The following CYP3A5 variants were observed in gnomAD, a reference collection of about 807,000 sequenced individuals.
The protein encoded by CYP3A5 is cytochrome P450 3A5.
Under a neutral mutation model 55.9 loss-of-function variants are expected in CYP3A5, and 51 were observed. That is an observed-to-expected ratio of 0.91 (90% CI 0.73 to 1.15). The LOEUF is 1.15. CYP3A5 is among the 50% of genes most tolerant of loss of function. The probability of loss-of-function intolerance (pLI) is 0.00; values close to 1 mark genes in which losing one functional copy is unlikely to be tolerated. For synonymous variants in CYP3A5, 196 were observed against 213.9 expected, an observed-to-expected ratio of 0.92 and a Z score of 0.73; for missense variants, 533 against 596.6, an observed-to-expected ratio of 0.89 and a Z score of 1.11.
intron 11 of CYP3A5, 109 bp downstream of exon 11, chr7:99,652,444 A>T: frequency 2.6e-6 from 2 of 768,154 alleles, no homozygotes; most frequent in Non-Finnish European, 4.2e-6. Context: ...AAAAAGACTT[A>T]CAAGCAAATG....
intron 12 of CYP3A5, 98 bp downstream of exon 12, chr7:99,649,975 G>T: frequency 1.4e-6 from 2 of 1,447,398 alleles, no homozygotes; most frequent in Non-Finnish European, 1.9e-6. Flanking sequence ...TTGGCCCATA[G>T]AATGAATTAT....
At chr7:99,668,027 G>T (rs1224773675) in intron 4 of CYP3A5, among the ~76,000 whole-genome samples, 1 of 152,140 alleles carries the variant, frequency 6.6e-6, no homozygotes, top group African/African-American at 2.4e-5. Context: ...AATTGTCAAT[G>T]TATAAAATGT....
Position 99,662,755 on chromosome 7 carries a change from A to C in CYP3A5, c.865+61T>G. The stretch of plus-strand genomic sequence containing the variant: ...CCTGGAATACTTCCTGCACATTTTC[A>C]GAACAAGGCCCTCCCTCTTAGTGTC... On this transcript the variant is annotated intron_variant, in intron 9 of 12. Transcript: ENST00000222982. The surrounding 1 kb of genome is among the most constrained non-coding windows in gnomAD (Gnocchi z 4.3). 1 of 1,481,594 alleles carries C rather than the reference A, an allele frequency of 6.7e-7. No homozygotes were observed. Among genetic ancestry groups the C allele is most frequent in the South Asian group, 1.1e-5 (1 of 87,316 alleles). The allele number at this position is 1,481,594 out of a possible 1,614,324, so 91.8% of individuals were successfully genotyped here.
chr7:99,674,711 G>A lies in CYP3A5; in HGVS notation c.166-126C>T. The A allele has an allele frequency of 4.4e-6, 3 of 688,084 alleles. No individual in the cohort carries two copies. The East Asian group carries it at 8.4e-5, about 19-fold the overall frequency. The allele number at this position is 688,084 out of a possible 1,614,324, so 42.6% of individuals were successfully genotyped here. A position where few individuals can be genotyped will look rare whatever the true frequency, so the allele number is the denominator to read the frequency against. ...TGCTATCTTTCACTGGCAGTTGAAG[G>A]AAGCTATTCAGAGATGTCTTAAGGG... On this transcript the variant is annotated intron_variant, in intron 2 of 12. Transcript: ENST00000222982.
chr7:99,666,619 T>C lies in CYP3A5; in HGVS notation c.503A>G (p.Lys168Arg), dbSNP rs771596018. Reference sequence around the variant, plus strand: ...TACTTACTCTTTCAAGGTGACAGGCTTGCCTTTCTCTGCTTCCCGCCTCAA... The same window carrying C: ...TACTTACTCTTTCAAGGTGACAGGCCTGCCTTTCTCTGCTTCCCGCCTCAA... ...RNLRREAEKG[K>R]PVTLKDIFGA... Residue 168 changes from lysine to arginine, a missense_variant, in exon 6 of 13, where the codon AAG becomes AGG. Transcript: ENST00000222982. The C allele has an allele frequency of 4.3e-6, 7 of 1,613,876 alleles. No homozygotes were observed. The highest frequency in any genetic ancestry group is 5.9e-6 in the Non-Finnish European group (7 of 1,179,806).
chr7:99,678,930 A>G (rs1426088180), intron 1 of CYP3A5, among the ~76,000 whole-genome samples: 1 of 152,246 alleles, frequency 6.6e-6, no homozygotes, highest in Non-Finnish European at 1.5e-5. Context: ...CTAGGATGCC[A>G]GGAATCCCAC....
chr7:99,663,230 T>A, intron 8 of CYP3A5: 1 of 1,060,204 alleles, frequency 9.4e-7, no homozygotes, highest in Non-Finnish European at 1.1e-6. Flanking sequence ...CTGGATCTTT[T>A]ATTCTTCTAC....
chr7:99,673,149 T>C lies in CYP3A5; in HGVS notation c.219-470A>G, dbSNP rs1433529157. Among the ~76,000 whole-genome samples, 3 of 152,208 alleles carry C rather than the reference T, an allele frequency of 2.0e-5. No homozygotes were observed. The South Asian group carries it at 6.2e-4, about 32-fold the overall frequency. On this transcript the variant is annotated intron_variant, in intron 3 of 12. Transcript: ENST00000222982. ...GCAAGGGCAGTTGGTGTGGGGCCCA[T>C]GGACATCTAGAGCTGTGTCATCTGT...
At chr7:99,650,645 G>A (rs1261991212) in intron 11 of CYP3A5, among the ~76,000 whole-genome samples, 1 of 152,128 alleles carries the variant, frequency 6.6e-6, no homozygotes, top group East Asian at 1.9e-4. Context: ...AAAACGTCTT[G>A]TGCTATTTCA....
intron 10 of CYP3A5, chr7:99,660,209 C>T: frequency 1.1e-6 from 1 of 901,612 alleles, no homozygotes; most frequent in Non-Finnish European, 1.3e-6. Context: ...CTTCTCGCCA[C>T]ACTCCTTTTT....
chr7:99,661,554 G>A (rs900062543), intron 9 of CYP3A5, among the ~76,000 whole-genome samples: 19 of 152,236 alleles, frequency 1.2e-4, no homozygotes, highest in African/African-American at 3.9e-4. Flanking sequence ...CCTGAGAGAA[G>A]CTCACGATGG....
At chr7:99,658,702 G>A (rs574154418) in intron 10 of CYP3A5, 21 of 152,246 alleles carry the variant, frequency 1.4e-4, no homozygotes, top group African/African-American at 4.6e-4. Context: ...TATTCTCCCC[G>A]TCACTTTCAG....
intron 6 of CYP3A5, 122 bp from the exon 7 acceptor site, chr7:99,665,436 A>G (rs557284385): frequency 8.2e-6 from 11 of 1,349,160 alleles, no homozygotes; most frequent in African/African-American, 2.9e-5. Flanking sequence ...TTTCAGAACT[A>G]TCTGCTGAAT....
intron 4 of CYP3A5, among the ~76,000 whole-genome samples, chr7:99,667,966 C>T (rs1032250748): frequency 6.6e-6 from 1 of 152,060 alleles, no homozygotes; most frequent in Non-Finnish European, 1.5e-5. Flanking sequence ...AAATAAAAGG[C>T]ATACAGATTG....
chr7:99,672,719 C>T lies in CYP3A5; in HGVS notation c.219-40G>A, dbSNP rs759951219. 6.8e-6 allele frequency: 11 copies of T among 1,611,476 alleles called. No homozygotes were observed. The Admixed American group carries it at 8.4e-5, about 12-fold the overall frequency. On this transcript the variant is annotated intron_variant, in intron 3 of 12. Coordinates refer to ENST00000222982, the MANE Select transcript of CYP3A5 (RefSeq NM_000777.5). ...CGGAGCTGATTAAACTTCACTAGCC[C>T]GATTCTGCAGCTGGAGCCACACCCA...
intron 6 of CYP3A5, among the ~76,000 whole-genome samples, chr7:99,666,390 G>T (rs1811021868): frequency 6.6e-6 from 1 of 152,114 alleles, no homozygotes. Flanking sequence ...AGTAAATCCT[G>T]GCTCCTGTGC....
At chr7:99,667,415 G>A (rs902395433) in intron 4 of CYP3A5, among the ~76,000 whole-genome samples, 2 of 152,218 alleles carry the variant, frequency 1.3e-5, no homozygotes, top group Non-Finnish European at 2.9e-5. Flanking sequence ...GAGTAGAAAA[G>A]GATTGGTGAC....
intron 2 of CYP3A5, among the ~76,000 whole-genome samples, chr7:99,675,438 A>T (rs978630267): frequency 7.2e-5 from 11 of 152,120 alleles, no homozygotes; most frequent in Admixed American, 5.9e-4. Flanking sequence ...CAGAGGCTTC[A>T]GTTGTGAGAG....
intron 10 of CYP3A5, among the ~76,000 whole-genome samples, chr7:99,656,667 T>C (rs1809770892): frequency 6.6e-6 from 1 of 152,222 alleles, no homozygotes; most frequent in Non-Finnish European, 1.5e-5. Context: ...TACCAGGTCC[T>C]CCTTGTACCT....
Sources: gnomAD v4.1 joint callset for allele counts (sites outside exome capture counted in the v4.1 genomes callset) on GRCh38, gnomAD v4.1.1 for gene constraint, Gnocchi (gnomAD v3.1) non-coding constraint, MANE v1.5 for transcripts, NCBI Gene and HGNC (gene_info 2026-07-23, HGNC 2026-07-21) for gene names.